TOP1MT: variants seen among roughly 807,000 people sequenced by gnomAD.
The protein encoded by TOP1MT is DNA topoisomerase I mitochondrial.
TOP1MT carries 80 observed loss-of-function variants against 73.9 expected under a neutral mutation model. That is an observed-to-expected ratio of 1.08 (90% confidence interval 0.90 to 1.30). The LOEUF is 1.30. Among genes scored for constraint, TOP1MT ranks in the 50% most tolerant of loss-of-function variants. The pLI, the probability that TOP1MT is intolerant of heterozygous loss-of-function variation, is 0.00. For synonymous variants in TOP1MT, 338 were observed against 326.4 expected (o/e 1.04, Z -0.38); for missense variants, 815 against 808.0 (o/e 1.01, Z -0.10).
intron 5 of TOP1MT, among the ~76,000 whole-genome samples, chr8:143,324,872 A>G (rs556315360): frequency 6.6e-6 from 1 of 152,224 alleles, no homozygotes; most frequent in South Asian, 2.1e-4. Context: ...CAAGCAAGGC[A>G]CCGCTCTGCA....
In TOP1MT at chr8:143,344,325, C is replaced by T. The variant is rs1248594619; in HGVS notation, c.-39+591G>A. 1 of 152,404 alleles carries T rather than the reference C, an allele frequency of 6.6e-6. No homozygotes were observed. Among genetic ancestry groups the T allele is most frequent in the Non-Finnish European group, 1.5e-5 (1 of 68,272 alleles). The allele number at this position is 152,404 out of a possible 1,614,324, so 9.4% of individuals were successfully genotyped here. A position where few individuals can be genotyped will look rare whatever the true frequency, so the allele number is the denominator to read the frequency against. ...AAGCCGTGGGAGGCCCCCTCTGCCC[C>T]AGCCCAGCTCAGCCCTCCTGCTTGA... On this transcript the variant is annotated intron_variant, in intron 1 of 5. Coordinates refer to the TOP1MT transcript ENST00000518007. This position sits in a 1 kb window ranked among gnomAD's most constrained non-coding sequence, Gnocchi z 4.6.
At chr8:143,354,492 T>C (rs2450756) in intron 1 of TOP1MT, among the ~76,000 whole-genome samples, 133,249 of 151,684 alleles carry the variant, frequency 0.88, 58,636 homozygotes, top group African/African-American at 0.94. Context: ...GCAGGCGGAT[T>C]ACCTGAGGTC....
At chr8:143,332,556 C>T (rs1563767123) in intron 1 of TOP1MT, 1 of 1,289,382 alleles carries the variant, frequency 7.8e-7, no homozygotes, top group Non-Finnish European at 1.0e-6. Context: ...TGGGCCTGGT[C>T]GGCTGGGATG....
intron 12 of TOP1MT, among the ~76,000 whole-genome samples, chr8:143,311,478 T>C (rs1816012973): frequency 6.6e-6 from 1 of 152,154 alleles, no homozygotes; most frequent in Non-Finnish European, 1.5e-5. Context: ...CCAGGAGCAG[T>C]GGCTCACGCC....
intron 12 of TOP1MT, 65 bp downstream of exon 12, chr8:143,315,661 TG>T (rs987444560): frequency 1.5e-6 from 2 of 1,304,126 alleles, no homozygotes; most frequent in Non-Finnish European, 2.2e-6. Flanking sequence ...ACCGACCCTG[TG>T]GGGCTGGACC....
intron 2 of TOP1MT, among the ~76,000 whole-genome samples, chr8:143,340,286 C>T (rs1223176070): frequency 1.9e-5 from 2 of 104,714 alleles, no homozygotes; most frequent in African/African-American, 6.7e-5. Flanking sequence ...AGCATTCCCC[C>T]CTCCCAGCAC....
intron 11 of TOP1MT, 81 bp downstream of exon 11, chr8:143,315,918 C>A (rs1816146404): frequency 3.1e-6 from 5 of 1,608,146 alleles, no homozygotes; most frequent in Non-Finnish European, 3.4e-6. Context: ...CCGCAGCTGG[C>A]TCCCAGGCCT....
upstream of TOP1MT, among the ~76,000 whole-genome samples, chr8:143,357,385 G>A (rs886359287): frequency 8.7e-5 from 13 of 148,934 alleles, no homozygotes; most frequent in Non-Finnish European, 1.9e-4. Context: ...ACTCCTGGGC[G>A]ACAGAGTGAG....
intron 1 of TOP1MT, 152 bp downstream of exon 1, chr8:143,334,588 G>C: frequency 8.8e-7 from 1 of 1,136,746 alleles, no homozygotes; most frequent in Non-Finnish European, 1.2e-6. Context: ...AGGCGGGCCG[G>C]TCACACCGCG....
intron 2 of TOP1MT, among the ~76,000 whole-genome samples, chr8:143,342,465 C>CTGT (rs1302655286): frequency 8.5e-6 from 1 of 117,952 alleles, no homozygotes; most frequent in Non-Finnish European, 1.6e-5. Flanking sequence ...GAGTCTCGCT[C>CTGT]TGTTATTATT....
At chr8:143,311,408 T>C (rs1816011417) in intron 12 of TOP1MT, among the ~76,000 whole-genome samples, 1 of 152,332 alleles carries the variant, frequency 6.6e-6, no homozygotes, top group South Asian at 2.1e-4. Flanking sequence ...AACAGACCCC[T>C]GCATCTCCGG....
chr8:143,313,630 G>C (rs964489275), intron 12 of TOP1MT, among the ~76,000 whole-genome samples: 3 of 151,302 alleles, frequency 2.0e-5, no homozygotes, highest in Non-Finnish European at 4.4e-5. Flanking sequence ...GAGACAGGCA[G>C]ATTGCCTGAG....
chr8:143,318,647 A>C (rs1816243274), intron 8 of TOP1MT, among the ~76,000 whole-genome samples: 1 of 152,122 alleles, frequency 6.6e-6, no homozygotes. Context: ...AGCGCTGGGC[A>C]TCGGCTCCAG....
intron 8 of TOP1MT, 51 bp downstream of exon 8, chr8:143,321,150 C>A: frequency 6.7e-7 from 1 of 1,500,282 alleles, no homozygotes; most frequent in Non-Finnish European, 9.0e-7. Context: ...CCCAGACATC[C>A]AGAGCAAATA....
Position 143,341,239 on chromosome 8 carries a change from G to A in TOP1MT, c.29+1981C>T, listed in dbSNP as rs1379589244. On this transcript the variant is annotated intron_variant, in intron 2 of 5. Coordinates refer to the TOP1MT transcript ENST00000518007. The surrounding 1 kb of genome is among the most constrained non-coding windows in gnomAD (Gnocchi z 4.1). ...TATTCTTTTTTTTTTCTCAGTTTGT[G>A]CCTCTCTTCCACACAGCCCTTGCCC... Among the ~76,000 whole-genome samples the A allele has an allele frequency of 1.3e-5, 2 of 151,478 alleles. No homozygotes were observed. The highest frequency in any genetic ancestry group is 6.6e-5 in the Admixed American group (1 of 15,230).
At position 143,316,075 on chromosome 8, in the gene TOP1MT, A is replaced by ACTCGGTTGG. The variant is rs1816153317; in HGVS notation, c.1373_1381dup (p.Ala458_Arg460dup). On this transcript the variant is annotated inframe_insertion, in exon 11 of 14. Coordinates refer to ENST00000329245, the MANE Select transcript of TOP1MT (RefSeq NM_052963.3). The stretch of plus-strand genomic sequence containing the variant: ...CTGATGGTTGCAGAGAATGGCCACG[A>ACTCGGTTGG]CTCGGTTGGCTCGGTTGTAGGATAA... 3 of 1,613,742 alleles carry ACTCGGTTGG rather than the reference A, an allele frequency of 1.9e-6. No homozygotes were observed. Among genetic ancestry groups the ACTCGGTTGG allele is most frequent in the Non-Finnish European group, 2.5e-6 (3 of 1,179,928 alleles).
rs1817140822 is a variant in TOP1MT at position 143,342,694 on chromosome 8, TTA to T, written c.29+524_29+525del. ...TCTCGCTCTATTATTATTATTATTA[TTA>T]GAGACAGAGTCTCGCTGTTATTATT... is the stretch of plus-strand genomic sequence containing the variant. On this transcript the variant is annotated intron_variant, in intron 2 of 5. Coordinates refer to the TOP1MT transcript ENST00000518007. Among the ~76,000 whole-genome samples, 3 of 117,106 alleles carry T rather than the reference TTA, an allele frequency of 2.6e-5. 1 individual carries two copies. Among genetic ancestry groups the T allele is most frequent in the Non-Finnish European group, 3.6e-5 (2 of 55,586 alleles). The allele number at this position is 117,106 out of a possible 152,430, so 76.8% of individuals were successfully genotyped here. A position where few individuals can be genotyped will look rare whatever the true frequency, so the allele number is the denominator to read the frequency against.
At chr8:143,330,286 C>T (rs947614210) in intron 2 of TOP1MT, among the ~76,000 whole-genome samples, 1 of 152,208 alleles carries the variant, frequency 6.6e-6, no homozygotes, top group Admixed American at 6.5e-5. Context: ...CATAAGCAGT[C>T]CTCGCCTGCC....
intron 2 of TOP1MT, among the ~76,000 whole-genome samples, chr8:143,342,490 CAG>C (rs775149325): frequency 6.0e-5 from 8 of 132,282 alleles, no homozygotes; most frequent in Non-Finnish European, 1.2e-4. Context: ...TTATTAGAGA[CAG>C]AGTCTCGCTG....
Sources: allele counts gnomAD v4.1 joint callset (sites outside exome capture counted in the v4.1 genomes callset), GRCh38; gene constraint gnomAD v4.1.1; non-coding constraint Gnocchi (gnomAD v3.1); transcripts MANE v1.5; gene names NCBI Gene and HGNC (gene_info 2026-07-23, HGNC 2026-07-21).